DHX40: variants seen among roughly 807,000 people sequenced by gnomAD.
The protein encoded by DHX40 is DEAH-box helicase 40.
A neutral mutation model predicts 89.6 loss-of-function variants in DHX40; 28 were observed. The ratio of observed to expected loss-of-function variants is 0.31; its 90% confidence interval spans 0.23 to 0.43. The LOEUF is 0.43. DHX40 is among the 20% of genes least tolerant of loss of function. The pLI is 1.00. For missense variants in DHX40, 457 were observed against 844.0 expected, an observed-to-expected ratio of 0.54 and a Z score of 5.68; for synonymous variants, 226 against 283.6, an observed-to-expected ratio of 0.80 and a Z score of 2.04.
In DHX40 at chr17:59,607,420, T is replaced by A; in HGVS notation, c.*248T>A. On this transcript the variant is annotated 3_prime_UTR_variant, in exon 18 of 18. Transcript: ENST00000251241. ...TGAAACCAATGAAAGACAGTACATG[T>A]AATAATATTTTCCTCAGTACAATTT... 2.9e-6 allele frequency: 2 copies of A among 685,838 alleles called. No homozygotes were observed. Among genetic ancestry groups the A allele is most frequent in the Non-Finnish European group, 4.9e-6 (2 of 412,242 alleles). The allele number at this position is 685,838 out of a possible 1,614,324, so 42.5% of individuals were successfully genotyped here.
chr17:59,595,110 T>A (rs1309053477), intron 12 of DHX40, among the ~76,000 whole-genome samples: 1 of 151,684 alleles, frequency 6.6e-6, no homozygotes, highest in Non-Finnish European at 1.5e-5. Flanking sequence ...TGAGACAGAA[T>A]TTTGCTCTTG....
intron 17 of DHX40, among the ~76,000 whole-genome samples, chr17:59,606,757 A>AG: frequency 6.6e-6 from 1 of 152,088 alleles, no homozygotes; most frequent in East Asian, 1.9e-4. Context: ...AAAAAAAAAA[A>AG]AAAAAGAAAA....
chr17:59,595,362 C>A (rs183393915), intron 12 of DHX40, among the ~76,000 whole-genome samples: 4 of 152,108 alleles, frequency 2.6e-5, no homozygotes, highest in Non-Finnish European at 5.9e-5. Context: ...GGATTACAGG[C>A]GTGAGCCATG....
intron 12 of DHX40, among the ~76,000 whole-genome samples, chr17:59,593,702 G>A (rs1408360255): frequency 1.5e-5 from 2 of 133,178 alleles, no homozygotes; most frequent in East Asian, 2.2e-4. Context: ...TCAAACTCCT[G>A]ACCTCCTGAC....
chr17:59,592,305 T>C (rs936662961), intron 12 of DHX40, among the ~76,000 whole-genome samples: 3 of 152,006 alleles, frequency 2.0e-5, no homozygotes, highest in African/African-American at 7.2e-5. Flanking sequence ...AAAACAACCC[T>C]ATATAACTAC....
chr17:59,601,301 C>G (rs1387541462), intron 14 of DHX40, among the ~76,000 whole-genome samples: 2 of 152,018 alleles, frequency 1.3e-5, no homozygotes, highest in Non-Finnish European at 2.9e-5. Flanking sequence ...AGAGTAAGAC[C>G]CTGACTCAAA....
chr17:59,571,035 CTT>C (rs922336818), intron 3 of DHX40, among the ~76,000 whole-genome samples: 1 of 152,060 alleles, frequency 6.6e-6, no homozygotes, highest in Non-Finnish European at 1.5e-5. Flanking sequence ...TTAGGATTCT[CTT>C]ATTTATGTTT....
At chr17:59,587,606 T>G (rs2049017859) in intron 11 of DHX40, among the ~76,000 whole-genome samples, 1 of 151,698 alleles carries the variant, frequency 6.6e-6, no homozygotes, top group African/African-American at 2.4e-5. Context: ...TACAGGCGCA[T>G]GCCACCACAC....
chr17:59,603,644 G>C (rs185676415), intron 15 of DHX40: 3 of 152,132 alleles, frequency 2.0e-5, no homozygotes, highest in African/African-American at 7.2e-5. Flanking sequence ...GTCTATCGTG[G>C]TATAAATAAA....
chr17:59,607,519 T>C lies in DHX40; in HGVS notation c.*347T>C. The C allele has an allele frequency of 1.9e-6, 1 of 538,786 alleles. No individual in the cohort carries two copies. The highest frequency in any genetic ancestry group is 3.3e-6 in the Non-Finnish European group (1 of 303,766). The allele number at this position is 538,786 out of a possible 1,614,324, so 33.4% of individuals were successfully genotyped here. On this transcript the variant is annotated 3_prime_UTR_variant, in exon 18 of 18. Coordinates refer to ENST00000251241, the MANE Select transcript of DHX40 (RefSeq NM_024612.5). Reference sequence around the variant, plus strand: ...AACATTGAGTTGTATTTAATCAGCGTGTACTCCATTTGCATTGAAGCATTA... The same window carrying C: ...AACATTGAGTTGTATTTAATCAGCGCGTACTCCATTTGCATTGAAGCATTA...
intron 3 of DHX40, among the ~76,000 whole-genome samples, chr17:59,571,053 CTG>C (rs1173197863): frequency 6.6e-6 from 1 of 152,056 alleles, no homozygotes; most frequent in Non-Finnish European, 1.5e-5. Flanking sequence ...TGTTTTTTAA[CTG>C]TAAGGATTCT....
chr17:59,598,336 A>G (rs1164317755), intron 12 of DHX40, among the ~76,000 whole-genome samples: 4 of 152,170 alleles, frequency 2.6e-5, no homozygotes, highest in Non-Finnish European at 4.4e-5. Flanking sequence ...TAAATAATGA[A>G]CAGTACTTTG....
At chr17:59,589,252 T>C (rs2049046055) in intron 12 of DHX40, among the ~76,000 whole-genome samples, 1 of 143,708 alleles carries the variant, frequency 7.0e-6, no homozygotes, top group Non-Finnish European at 1.5e-5. Flanking sequence ...GATGGAGTCT[T>C]GCTCTGTCAC....
chr17:59,566,931 A>G (rs990354966), intron 2 of DHX40, 137 bp downstream of exon 2: 9 of 696,570 alleles, frequency 1.3e-5, no homozygotes, highest in South Asian at 6.1e-5. Flanking sequence ...CCCTTCCCCT[A>G]TGTCTCCTTT....
chr17:59,571,577 C>A (rs1056209735), intron 3 of DHX40, among the ~76,000 whole-genome samples: 1 of 151,774 alleles, frequency 6.6e-6, no homozygotes, highest in African/African-American at 2.4e-5. Flanking sequence ...TTCTCCCTCC[C>A]CCTAGCCTCT....
Position 59,607,604 on chromosome 17 carries a change from A to T in DHX40, c.*432A>T. On this transcript the variant is annotated 3_prime_UTR_variant, in exon 18 of 18. Coordinates refer to ENST00000251241, the MANE Select transcript of DHX40 (RefSeq NM_024612.5). ...CTTGTTGCTGTTAGAATAGTGCTAT[A>T]TATCAGGTATGTGACCATTTATTTC... is the stretch of plus-strand genomic sequence containing the variant. The T allele has an allele frequency of 1.4e-5, 4 of 292,372 alleles. No homozygotes were observed. Among genetic ancestry groups the T allele is most frequent in the Non-Finnish European group, 1.9e-5 (3 of 154,880 alleles). 18.1% of individuals were successfully genotyped at this position (292,372 alleles called of 1,614,324 possible).
intron 11 of DHX40, among the ~76,000 whole-genome samples, chr17:59,587,045 T>C (rs928031824): frequency 5.4e-4 from 82 of 151,226 alleles, no homozygotes; most frequent in Admixed American, 1.5e-3. Flanking sequence ...CCCAGCTACT[T>C]GGGAAGCTGA....
chr17:59,605,503 A>G lies in DHX40; in HGVS notation c.2029A>G (p.Thr677Ala). 6.2e-7 allele frequency: 1 copy of G among 1,614,180 alleles called. No homozygotes were observed. The highest frequency in any genetic ancestry group is 1.1e-5 in the South Asian group (1 of 91,086). Residue 677 changes from threonine (T) to alanine (A), a missense_variant, in exon 17 of 18, where the codon ACC becomes GCC. Around this residue, in one of 9 missense-constraint regions of DHX40, gnomAD observed 120 missense variants for 161.7 expected, o/e 0.74. Coordinates refer to ENST00000251241, the MANE Select transcript of DHX40 (RefSeq NM_024612.5). Reference protein sequence around the residue: ...WIIFHEVLVTTKVYARIVCPI... With the variant: ...WIIFHEVLVTAKVYARIVCPI... ...CATTTTTCATGAGGTATTGGTTACC[A>G]CCAAAGTCTACGCAAGAATTGTATG...
At chr17:59,605,353 A>AT in intron 16 of DHX40, 93 bp from the exon 17 acceptor site, 1 of 1,375,796 alleles carries the variant, frequency 7.3e-7, no homozygotes, top group Non-Finnish European at 1.0e-6. Flanking sequence ...GAAGATAGGA[A>AT]TTAATTGAGA....
Sources: gnomAD v4.1 joint callset for allele counts (sites outside exome capture counted in the v4.1 genomes callset) on GRCh38, gnomAD v4.1.1 for gene constraint, gnomAD v4.1.1 regional missense constraint, MANE v1.5 for transcripts, NCBI Gene and HGNC (gene_info 2026-07-23, HGNC 2026-07-21) for gene names.